Variants in GLIS1 observed in about 807,000 individuals in gnomAD.
GLIS1 encodes the protein zinc finger protein GLIS1.
In GLIS1, 24 loss-of-function variants were observed where a neutral mutation model predicts 63.8. That is an observed-to-expected ratio of 0.38 (90% CI 0.27 to 0.53). The LOEUF (loss-of-function observed/expected upper bound fraction) is 0.53. GLIS1 is among the 20% of genes least tolerant of loss of function. The pLI is 0.85. For synonymous variants in GLIS1, 450 were observed against 482.5 expected, an observed-to-expected ratio of 0.93 and a Z score of 0.88; for missense variants, 1,036 against 1,074.1, an observed-to-expected ratio of 0.96 and a Z score of 0.50.
intron 2 of GLIS1, among the ~76,000 whole-genome samples, chr1:53,624,541 CTT>C (rs370540667): frequency 1.1e-4 from 16 of 145,022 alleles, no homozygotes; most frequent in Admixed American, 1.4e-4. Flanking sequence ...TTTTAAATCT[CTT>C]TTTTTTTTTT....
At chr1:53,522,044 A>T (rs490654) in intron 6 of GLIS1, among the ~76,000 whole-genome samples, 138,324 of 152,324 alleles carry the variant, frequency 0.91, 62,919 homozygotes, top group East Asian at 1. Flanking sequence ...GGAGAAGGCA[A>T]GCCCAGCCTC....
In GLIS1 at chr1:53,664,603, G is replaced by C. The variant is rs192872180; in HGVS notation, c.260-64325C>G. Among the ~76,000 whole-genome samples, 8 of 152,328 alleles carry C rather than the reference G, an allele frequency of 5.3e-5. No individual in the cohort carries two copies. The East Asian group carries it at 7.7e-4, about 15-fold the overall frequency. ...CACCATTCTAGGCCCTGGGGATAGAGAGCAGTGAGCAAACAGAAACCCCTG... is the reference window on the plus strand; with the variant it reads ...CACCATTCTAGGCCCTGGGGATAGACAGCAGTGAGCAAACAGAAACCCCTG... On this transcript the variant is annotated intron_variant, in intron 2 of 10. Coordinates refer to ENST00000628545, the MANE Select transcript of GLIS1 (RefSeq NM_001367484.1).
chr1:53,672,378 G>T (rs895201987), intron 2 of GLIS1, among the ~76,000 whole-genome samples: 3 of 152,218 alleles, frequency 2.0e-5, no homozygotes, highest in Admixed American at 2.0e-4. Context: ...ACTCAGAGCT[G>T]TATGGAGTTC....
intron 2 of GLIS1, among the ~76,000 whole-genome samples, chr1:53,668,052 C>G (rs894902910): frequency 3.3e-5 from 5 of 152,194 alleles, no homozygotes; most frequent in African/African-American, 1.2e-4. Context: ...AACAAACCTG[C>G]CTGCCCACCG....
At chr1:53,695,526 T>A (rs761114707) in intron 2 of GLIS1, among the ~76,000 whole-genome samples, 1 of 152,204 alleles carries the variant, frequency 6.6e-6, no homozygotes, top group African/African-American at 2.4e-5. Flanking sequence ...ACTGGTGCCA[T>A]GACTGCCACA....
intron 4 of GLIS1, among the ~76,000 whole-genome samples, chr1:53,533,697 C>A (rs1448806120): frequency 1.3e-5 from 2 of 152,200 alleles, no homozygotes; most frequent in Non-Finnish European, 2.9e-5. Flanking sequence ...CCCATCAGGA[C>A]CAGCATCCCA....
At chr1:53,685,859 G>A (rs1646330929) in intron 2 of GLIS1, among the ~76,000 whole-genome samples, 1 of 152,082 alleles carries the variant, frequency 6.6e-6, no homozygotes, top group Admixed American at 6.5e-5. Context: ...GGGAGCCGCT[G>A]CCACTGTGCT....
At chr1:53,613,065 C>A (rs564410760) in intron 2 of GLIS1, among the ~76,000 whole-genome samples, 4 of 152,182 alleles carry the variant, frequency 2.6e-5, no homozygotes, top group Admixed American at 2.6e-4. Context: ...GTGATCCACC[C>A]ACCTTGGCCT....
At chr1:53,615,897 C>T (rs971977085) in intron 2 of GLIS1, among the ~76,000 whole-genome samples, 1 of 151,836 alleles carries the variant, frequency 6.6e-6, no homozygotes, top group Non-Finnish European at 1.5e-5. Flanking sequence ...TACAGGCGTG[C>T]GCAACCACAC....
intron 1 of GLIS1, among the ~76,000 whole-genome samples, chr1:53,738,615 G>A (rs1646936417): frequency 6.6e-6 from 1 of 152,174 alleles, no homozygotes; most frequent in Admixed American, 6.5e-5. Context: ...AGGCCCGAGG[G>A]AAACCCCCAG....
chr1:53,554,938 T>C (rs1478853528), intron 4 of GLIS1, among the ~76,000 whole-genome samples: 1 of 152,120 alleles, frequency 6.6e-6, no homozygotes, highest in East Asian at 1.9e-4. Context: ...GGAAAGGGCC[T>C]CACAGGTAGG....
intron 2 of GLIS1, among the ~76,000 whole-genome samples, chr1:53,712,220 C>G (rs1646654504): frequency 6.6e-6 from 1 of 152,200 alleles, no homozygotes; most frequent in African/African-American, 2.4e-5. Context: ...TAAAGCAGTG[C>G]TTCTCAGGCT....
intron 2 of GLIS1, among the ~76,000 whole-genome samples, chr1:53,692,940 G>T (rs1470086117): frequency 1.3e-5 from 2 of 152,140 alleles, no homozygotes; most frequent in Non-Finnish European, 2.9e-5. Flanking sequence ...GACTCCCAGG[G>T]GCCCATCCCA....
chr1:53,698,508 G>A (rs1646489993), intron 2 of GLIS1, among the ~76,000 whole-genome samples: 1 of 152,222 alleles, frequency 6.6e-6, no homozygotes, highest in Non-Finnish European at 1.5e-5. Context: ...TCATCTTCCT[G>A]GTCTGCCTTC....
At chr1:53,527,828 C>T (rs1269660980) in intron 5 of GLIS1, among the ~76,000 whole-genome samples, 1 of 152,052 alleles carries the variant, frequency 6.6e-6, no homozygotes, top group Non-Finnish European at 1.5e-5. Flanking sequence ...TTCCAGGGGA[C>T]CTCTTGGGGA....
intron 2 of GLIS1, among the ~76,000 whole-genome samples, chr1:53,699,809 C>T (rs1454315130): frequency 6.6e-5 from 10 of 152,280 alleles, no homozygotes; most frequent in Non-Finnish European, 1.5e-4. Flanking sequence ...AGAAAGCAAG[C>T]TCTCTCATGT....
At chr1:53,686,436 A>C (rs979524593) in intron 2 of GLIS1, among the ~76,000 whole-genome samples, 2 of 152,164 alleles carry the variant, frequency 1.3e-5, no homozygotes, top group African/African-American at 4.8e-5. Flanking sequence ...CAAAGTGGGA[A>C]AGAAGGTTAG....
chr1:53,524,823 T>C lies in GLIS1; in HGVS notation c.1547A>G (p.Lys516Arg), dbSNP rs753456508. 6.2e-7 allele frequency: 1 copy of C among 1,613,558 alleles called. No homozygotes were observed. The highest frequency in any genetic ancestry group is 8.5e-7 in the Non-Finnish European group (1 of 1,179,936). Residue 516 changes from lysine to arginine, a missense_variant, in exon 6 of 11, where the codon AAG (lysine) becomes AGG (arginine). Around this residue, in one of 3 missense-constraint regions of GLIS1, gnomAD observed 400 missense variants for 400.9 expected, o/e 1.00. Transcript: ENST00000628545. ...TTTGGCTGAATGGGCCTTGACGTGC[T>C]TGCGGAGGGAGCTGGGGTCTGTGTA... is the stretch of plus-strand genomic sequence containing the variant. ...KRYTDPSSLR[K>R]HVKAHSAKEQ...
chr1:53,573,816 T>C (rs919962255), intron 4 of GLIS1, among the ~76,000 whole-genome samples: 10 of 152,336 alleles, frequency 6.6e-5, no homozygotes, highest in Admixed American at 2.0e-4. Context: ...GGACTTGGTA[T>C]ACCCTGAAAA....
Sources: allele counts gnomAD v4.1 joint callset (sites outside exome capture counted in the v4.1 genomes callset), GRCh38; gene constraint gnomAD v4.1.1; regional missense constraint gnomAD v4.1.1; transcripts MANE v1.5; gene names NCBI Gene and HGNC (gene_info 2026-07-23, HGNC 2026-07-21).